The following GRK5 variants were observed in gnomAD, a reference collection of about 807,000 sequenced individuals.
GRK5 encodes G protein-coupled receptor kinase 5.
Under a neutral mutation model 78.4 loss-of-function variants are expected in GRK5, and 40 were observed. The ratio of observed to expected loss-of-function variants is 0.51; its 90% CI spans 0.40 to 0.66. GRK5 has a LOEUF of 0.66. GRK5 is among the 30% of genes least tolerant of loss of function. The pLI is 0.00. For missense variants in GRK5, 598 were observed against 759.9 expected (o/e 0.79, Z 2.50); for synonymous variants, 289 against 296.8 (o/e 0.97, Z 0.27).
intron 1 of GRK5, among the ~76,000 whole-genome samples, chr10:119,228,647 G>A (rs1300056931): frequency 6.6e-6 from 1 of 151,986 alleles, no homozygotes; most frequent in Non-Finnish European, 1.5e-5. Flanking sequence ...AAGAATTATG[G>A]AGACCTATTC....
intron 2 of GRK5, among the ~76,000 whole-genome samples, chr10:119,372,378 C>G (rs1851560000): frequency 1.3e-5 from 2 of 152,244 alleles, no homozygotes; most frequent in African/African-American, 4.8e-5. Flanking sequence ...GACAGAAGTT[C>G]TTTAATAGTA....
At chr10:119,426,391 A>G (rs1265937034) in intron 6 of GRK5, among the ~76,000 whole-genome samples, 1 of 152,068 alleles carries the variant, frequency 6.6e-6, no homozygotes, top group Admixed American at 6.5e-5. Context: ...GAGGCAAAGG[A>G]TTGGCCTAGA....
In GRK5 at chr10:119,326,586, G is replaced by A. The variant is rs1327305287; in HGVS notation, c.123G>A (p.Gln41=). ...TCCTGAAGTTCCCTCACATTAGCCAGTGTGAAGACCTCCGAAGGACCATAG... is the reference window on the plus strand; with the variant it reads ...TCCTGAAGTTCCCTCACATTAGCCAATGTGAAGACCTCCGAAGGACCATAG... ...KEILKFPHIS[Q]CEDLRRTIDR... Residue 41 remains glutamine (Q), a synonymous_variant, in exon 2 of 16, where the codon CAG becomes CAA. Coordinates refer to ENST00000392870, the MANE Select transcript of GRK5 (RefSeq NM_005308.3). The A allele has an allele frequency of 6.2e-7, 1 of 1,613,860 alleles. No individual in the cohort carries two copies.
chr10:119,443,685 G>A lies in GRK5; in HGVS notation c.1199G>A (p.Arg400Gln), dbSNP rs748302706. 6.7e-5 allele frequency: 108 copies of A among 1,613,188 alleles called. No homozygotes were observed. Among genetic ancestry groups the A allele is most frequent in the Non-Finnish European group, 8.4e-5 (99 of 1,179,672 alleles). ...GTGAAGCGGGAGGAGGTGGACCGCCGGGTCCTGGAGACGGAGGAGGTGTAC... is the reference window on the plus strand; with the variant it reads ...GTGAAGCGGGAGGAGGTGGACCGCCAGGTCCTGGAGACGGAGGAGGTGTAC... ...EKVKREEVDR[R>Q]VLETEEVYSH... Residue 400 changes from arginine to glutamine, a missense_variant, in exon 12 of 16, where the codon CGG becomes CAG. Transcript: ENST00000392870.
At chr10:119,317,124 C>T (rs1850499963) in intron 1 of GRK5, among the ~76,000 whole-genome samples, 3 of 152,156 alleles carry the variant, frequency 2.0e-5, no homozygotes, top group Admixed American at 2.0e-4. Context: ...GGGGCCTATG[C>T]AAAGACGTGA....
chr10:119,282,689 G>A (rs1203680908), intron 1 of GRK5, among the ~76,000 whole-genome samples: 2 of 152,218 alleles, frequency 1.3e-5, no homozygotes, highest in Admixed American at 1.3e-4. Flanking sequence ...TTCCTGCTCT[G>A]GTGGTCAGCA....
At chr10:119,377,355 C>CT (rs1328054524) in intron 2 of GRK5, among the ~76,000 whole-genome samples, 1 of 152,240 alleles carries the variant, frequency 6.6e-6, no homozygotes, top group African/African-American at 2.4e-5. Flanking sequence ...CTCCTCCTGT[C>CT]ACCTTGATCA....
At chr10:119,402,419 A>G (rs1852165761) in intron 4 of GRK5, among the ~76,000 whole-genome samples, 1 of 152,310 alleles carries the variant, frequency 6.6e-6, no homozygotes, top group Non-Finnish European at 1.5e-5. Flanking sequence ...ACAGCCCAGA[A>G]GTGATACAGG....
At chr10:119,382,674 C>A (rs1376621490) in intron 3 of GRK5, among the ~76,000 whole-genome samples, 9 of 152,144 alleles carry the variant, frequency 5.9e-5, no homozygotes, top group Non-Finnish European at 1.2e-4. Flanking sequence ...TTAAAAAATT[C>A]TTTCCTATCA....
In GRK5 at chr10:119,278,387, C is replaced by T. The variant is rs117994239; in HGVS notation, c.53-48129C>T. 7.8e-3 allele frequency among the ~76,000 whole-genome samples: 1,190 copies of T among 152,192 alleles called. 5 individuals carry two copies. The highest frequency in any genetic ancestry group is 0.014 in the Non-Finnish European group (978 of 68,004). On this transcript the variant is annotated intron_variant, in intron 1 of 15. Coordinates refer to ENST00000392870, the MANE Select transcript of GRK5 (RefSeq NM_005308.3). ...TGCCTTCGGGAAGCCATGGCAGATG[C>T]GTTGACTCTCTGTAGGGCTGGCAAG... is the stretch of plus-strand genomic sequence containing the variant.
chr10:119,270,395 C>T (rs945928921), intron 1 of GRK5, among the ~76,000 whole-genome samples: 1 of 152,218 alleles, frequency 6.6e-6, no homozygotes, highest in Admixed American at 6.5e-5. Flanking sequence ...CTAAACAATA[C>T]GTTATAGCAA....
At chr10:119,325,347 A>T (rs1850656393) in intron 1 of GRK5, among the ~76,000 whole-genome samples, 2 of 152,134 alleles carry the variant, frequency 1.3e-5, no homozygotes, top group South Asian at 4.1e-4. Context: ...AAGGTGGAGG[A>T]CAGGTTGGGC....
At chr10:119,294,800 A>G (rs1033520168) in intron 1 of GRK5, among the ~76,000 whole-genome samples, 4 of 152,190 alleles carry the variant, frequency 2.6e-5, no homozygotes, top group Admixed American at 1.3e-4. Context: ...CATATTGCCT[A>G]TGGCTGTTTT....
intron 3 of GRK5, among the ~76,000 whole-genome samples, chr10:119,395,356 G>A (rs956724860): frequency 9.9e-5 from 15 of 152,208 alleles, no homozygotes; most frequent in African/African-American, 2.2e-4. Context: ...TGCCGCCTGC[G>A]TGCTCCCTTT....
At chr10:119,387,581 C>T (rs1032391861) in intron 3 of GRK5, among the ~76,000 whole-genome samples, 2 of 152,188 alleles carry the variant, frequency 1.3e-5, no homozygotes, top group African/African-American at 4.8e-5. Context: ...AGAGTTTGCC[C>T]AGCTGGTCAG....
intron 4 of GRK5, among the ~76,000 whole-genome samples, chr10:119,399,774 A>G (rs1275591994): frequency 6.6e-6 from 1 of 152,090 alleles, no homozygotes; most frequent in African/African-American, 2.4e-5. Flanking sequence ...TGCTGAGCAC[A>G]CTTTGGGCTA....
At chr10:119,436,936 G>T in intron 9 of GRK5, 95 bp downstream of exon 9, 1 of 1,174,982 alleles carries the variant, frequency 8.5e-7, no homozygotes, top group Non-Finnish European at 1.2e-6. Context: ...ATCGCTCTGG[G>T]AATCAGCCCT....
In GRK5 at chr10:119,306,587, G is replaced by A. The variant is rs559722159; in HGVS notation, c.53-19929G>A. ...AGCCGGGGTCCTGGCTGACACTTGC[G>A]GGGCAGAGCACCTTCTCTTGGCCCC... On this transcript the variant is annotated intron_variant, in intron 1 of 15. Coordinates refer to ENST00000392870, the MANE Select transcript of GRK5 (RefSeq NM_005308.3). 3.9e-5 allele frequency among the ~76,000 whole-genome samples: 6 copies of A among 152,246 alleles called. No homozygotes were observed. The East Asian group carries it at 5.8e-4, about 15-fold the overall frequency.
At chr10:119,410,937 C>A (rs1589795147) in intron 4 of GRK5, among the ~76,000 whole-genome samples, 3 of 150,972 alleles carry the variant, frequency 2.0e-5, no homozygotes, top group Middle Eastern at 3.4e-3. Flanking sequence ...CACTCTACAG[C>A]CTGCAGTCCT....
Sources: allele counts gnomAD v4.1 joint callset (sites outside exome capture counted in the v4.1 genomes callset), GRCh38; gene constraint gnomAD v4.1.1; transcripts MANE v1.5; gene names NCBI Gene and HGNC (gene_info 2026-07-23, HGNC 2026-07-21).